Variants in VWA8 observed in about 807,000 individuals in gnomAD.
VWA8 encodes von Willebrand factor A domain-containing protein 8.
VWA8 carries 221 observed loss-of-function variants against 241.5 expected under a neutral mutation model. The ratio of observed to expected loss-of-function variants is 0.91; its 90% CI spans 0.82 to 1.02. The LOEUF (loss-of-function observed/expected upper bound fraction) is 1.02. Ranked by LOEUF, VWA8 falls within the 50% of genes least tolerant of loss-of-function variation. The pLI, the probability that VWA8 is intolerant of heterozygous loss-of-function variation, is 0.00. For missense variants in VWA8, 2,322 were observed against 2,328.7 expected (o/e 1.00, Z 0.06); for synonymous variants, 852 against 827.1 (o/e 1.03, Z -0.52).
chr13:41,863,419 G>GTATA (rs1555344514), intron 12 of VWA8, among the ~76,000 whole-genome samples: 1 of 70,074 alleles, frequency 1.4e-5, no homozygotes, highest in Non-Finnish European at 3.0e-5. Flanking sequence ...GTGTGTGTGT[G>GTATA]TGTGTGTGTG....
At chr13:41,952,327 T>C (rs577630564) in intron 1 of VWA8, among the ~76,000 whole-genome samples, 5 of 152,232 alleles carry the variant, frequency 3.3e-5, no homozygotes, top group African/African-American at 9.6e-5. Context: ...TCTTAGTTAC[T>C]GCCAGGTATT....
intron 2 of VWA8, among the ~76,000 whole-genome samples, chr13:41,940,552 A>C (rs1877551937): frequency 6.6e-6 from 1 of 152,202 alleles, no homozygotes; most frequent in African/African-American, 2.4e-5. Context: ...AGTCCCTGAG[A>C]GAGGAAGAAA....
chr13:41,627,277 T>C (rs1390047430), intron 37 of VWA8, among the ~76,000 whole-genome samples: 1 of 152,182 alleles, frequency 6.6e-6, no homozygotes, highest in East Asian at 1.9e-4. Context: ...TGAGACCCTA[T>C]GCTCAGGCCC....
intron 12 of VWA8, among the ~76,000 whole-genome samples, chr13:41,859,748 G>A (rs187207954): frequency 9.2e-5 from 14 of 152,068 alleles, no homozygotes; most frequent in Non-Finnish European, 1.6e-4. Flanking sequence ...CTTACTTTAC[G>A]TACTGCCTCA....
chr13:41,856,196 G>A (rs1264499463), intron 12 of VWA8, among the ~76,000 whole-genome samples: 1 of 151,984 alleles, frequency 6.6e-6, no homozygotes, highest in Non-Finnish European at 1.5e-5. Context: ...ATTGGCCAGC[G>A]GGGGTAGCAC....
intron 2 of VWA8, among the ~76,000 whole-genome samples, chr13:41,931,225 A>G (rs1379706325): frequency 6.7e-6 from 1 of 149,530 alleles, no homozygotes; most frequent in Non-Finnish European, 1.5e-5. Flanking sequence ...ACTTGCCACA[A>G]CATGAATGAA....
chr13:41,900,142 C>A (rs1047721480), intron 4 of VWA8, among the ~76,000 whole-genome samples: 7 of 152,126 alleles, frequency 4.6e-5, no homozygotes, highest in African/African-American at 1.4e-4. Context: ...GTTATCTATG[C>A]CTACACTTGT....
At chr13:41,712,605 T>A (rs936893040) in intron 26 of VWA8, among the ~76,000 whole-genome samples, 1 of 152,164 alleles carries the variant, frequency 6.6e-6, no homozygotes, top group Non-Finnish European at 1.5e-5. Flanking sequence ...AATCTCCATA[T>A]CTAATGTTGT....
chr13:41,873,971 A>C (rs1298112985), intron 9 of VWA8, among the ~76,000 whole-genome samples: 2 of 152,240 alleles, frequency 1.3e-5, no homozygotes, highest in Non-Finnish European at 2.9e-5. Flanking sequence ...CAGCATATCA[A>C]AAAGCTTATT....
intron 20 of VWA8, among the ~76,000 whole-genome samples, chr13:41,761,946 G>A: frequency 6.6e-6 from 1 of 152,140 alleles, no homozygotes; most frequent in Middle Eastern, 3.4e-3. Context: ...CAGGTTGTGT[G>A]GAAAGAGTTA....
rs116134586 is a variant in VWA8 at position 41,902,697 on chromosome 13, A to T, written c.483+4889T>A. Among the ~76,000 whole-genome samples, 660 of 152,328 alleles carry T rather than the reference A, an allele frequency of 4.3e-3. 5 individuals carry two copies. Among genetic ancestry groups the T allele is most frequent in the African/African-American group, 0.014 (599 of 41,572 alleles). On this transcript the variant is annotated intron_variant, in intron 4 of 44. Coordinates refer to ENST00000379310, the MANE Select transcript of VWA8 (RefSeq NM_015058.2). ...GAAAACAATATAAATTCCCTATTAC[A>T]TATTATTATTAACCTAATTCTCGCC...
At chr13:41,752,912 T>C (rs2045667080) in intron 21 of VWA8, among the ~76,000 whole-genome samples, 1 of 152,162 alleles carries the variant, frequency 6.6e-6, no homozygotes, top group Non-Finnish European at 1.5e-5. Context: ...CCACGCCCTT[T>C]CTATCACAAT....
At chr13:41,705,417 G>A (rs1261965750) in intron 26 of VWA8, among the ~76,000 whole-genome samples, 1 of 152,150 alleles carries the variant, frequency 6.6e-6, no homozygotes, top group Non-Finnish European at 1.5e-5. Context: ...CATAGACTGG[G>A]ATCTCTCTCT....
At chr13:41,765,954 G>T (rs908850331) in intron 20 of VWA8, among the ~76,000 whole-genome samples, 2 of 152,116 alleles carry the variant, frequency 1.3e-5, no homozygotes, top group Non-Finnish European at 2.9e-5. Flanking sequence ...TGTTCTGCTG[G>T]ACTGTGCTCT....
intron 29 of VWA8, among the ~76,000 whole-genome samples, chr13:41,698,715 TG>T (rs1468097236): frequency 6.6e-6 from 1 of 152,216 alleles, no homozygotes; most frequent in East Asian, 1.9e-4. Context: ...TGTTTCTATA[TG>T]TAACAATTAT....
At chr13:41,750,684 C>G (rs111677485) in intron 21 of VWA8, among the ~76,000 whole-genome samples, 1 of 152,070 alleles carries the variant, frequency 6.6e-6, no homozygotes, top group African/African-American at 2.4e-5. Flanking sequence ...CCTGAAGATG[C>G]AGGTGAATTG....
intron 29 of VWA8, among the ~76,000 whole-genome samples, chr13:41,694,747 C>G (rs1417068087): frequency 1.3e-5 from 2 of 151,830 alleles, no homozygotes; most frequent in Non-Finnish European, 2.9e-5. Context: ...GTTTCATGCC[C>G]AAAAATGAGT....
rs1179789161 is a variant in VWA8, at chr13:41,871,811, G to A, written c.1081-3334C>T. 2.7e-4 allele frequency among the ~76,000 whole-genome samples: 41 copies of A among 152,264 alleles called. No individual in the cohort carries two copies. The East Asian group carries it at 7.3e-3, about 27-fold the overall frequency. On this transcript the variant is annotated intron_variant, in intron 9 of 44. Transcript: ENST00000379310. ...AGCAGCATGATTTATAGTCCTTTGG[G>A]TATATACCCAGTAATGGGATGGCTG...
At chr13:41,918,438 T>G (rs1483090525) in intron 2 of VWA8, among the ~76,000 whole-genome samples, 1 of 152,180 alleles carries the variant, frequency 6.6e-6, no homozygotes, top group African/African-American at 2.4e-5. Flanking sequence ...ACTTTTTGTG[T>G]AAGGGTACAA....
Sources: allele counts gnomAD v4.1 joint callset (sites outside exome capture counted in the v4.1 genomes callset), GRCh38; gene constraint gnomAD v4.1.1; transcripts MANE v1.5; gene names NCBI Gene and HGNC (gene_info 2026-07-23, HGNC 2026-07-21).